Variants in ELK4 observed in about 807,000 individuals in gnomAD.
ELK4 encodes ETS transcription factor ELK4, also known as ETS domain-containing protein Elk-4.
A neutral mutation model predicts 29.6 loss-of-function variants in ELK4; 16 were observed. The ratio of observed to expected loss-of-function variants is 0.54; its 90% CI spans 0.37 to 0.82. ELK4 has a LOEUF of 0.82. Ranked by LOEUF, ELK4 falls within the 40% of genes least tolerant of loss-of-function variation. The probability of loss-of-function intolerance (pLI) is 0.00; values close to 1 mark genes in which losing one functional copy is unlikely to be tolerated. For missense variants in ELK4, 465 were observed against 507.1 expected, an observed-to-expected ratio of 0.92 and a Z score of 0.80; for synonymous variants, 213 against 191.1, an observed-to-expected ratio of 1.11 and a Z score of -0.95.
rs146215001 is a variant in ELK4, at chr1:205,613,800, C to T, written c.*2746G>A. 2.4e-4 allele frequency: 49 copies of T among 205,684 alleles called. No individual in the cohort carries two copies. Among genetic ancestry groups the T allele is most frequent in the Middle Eastern group, 1.6e-3 (1 of 622 alleles). The allele number at this position is 205,684 out of a possible 1,614,324, so 12.7% of individuals were successfully genotyped here. A position where few individuals can be genotyped will look rare whatever the true frequency, so the allele number is the denominator to read the frequency against. ...AACCCCATTCAATCTGCTCCCCTTCCGTAACTTAGGCTACTGCTGCCCAAC... is the reference window on the plus strand; with the variant it reads ...AACCCCATTCAATCTGCTCCCCTTCTGTAACTTAGGCTACTGCTGCCCAAC... On this transcript the variant is annotated 3_prime_UTR_variant, in exon 5 of 5. Coordinates refer to ENST00000357992, the MANE Select transcript of ELK4 (RefSeq NM_001973.4).
In ELK4 at chr1:205,618,937, A is replaced by T; in HGVS notation, c.1197+20T>A. On this transcript the variant is annotated intron_variant, in intron 4 of 4. Transcript: ENST00000357992. ...ATTTAACATGCTCCAACTACAGAAG[A>T]CAGATATTTATAAAATTACCTGGAA... The T allele has an allele frequency of 6.4e-7, 1 of 1,571,868 alleles. No homozygotes were observed. Among genetic ancestry groups the T allele is most frequent in the Non-Finnish European group, 8.7e-7 (1 of 1,146,544 alleles).
intron 1 of ELK4, among the ~76,000 whole-genome samples, chr1:205,630,776 C>T (rs1053152041): frequency 6.6e-6 from 1 of 152,148 alleles, no homozygotes; most frequent in Non-Finnish European, 1.5e-5. Context: ...AATCATACTA[C>T]ATTTTAATGA....
At position 205,616,025 on chromosome 1, in the gene ELK4, G is replaced by A. The variant is rs1330854412; in HGVS notation, c.*521C>T. Reference sequence around the variant, plus strand: ...CTCCAATCTTACTTTGTATGAATAGGAATGATTCTTCTTCTTCCACTGCTT... The same window carrying A: ...CTCCAATCTTACTTTGTATGAATAGAAATGATTCTTCTTCTTCCACTGCTT... On this transcript the variant is annotated 3_prime_UTR_variant, in exon 5 of 5. Coordinates refer to ENST00000357992, the MANE Select transcript of ELK4 (RefSeq NM_001973.4). 1 of 225,260 alleles carries A rather than the reference G, an allele frequency of 4.4e-6. No homozygotes were observed. The highest frequency in any genetic ancestry group is 6.6e-5 in the East Asian group (1 of 15,252). The allele number at this position is 225,260 out of a possible 1,614,324, so 14.0% of individuals were successfully genotyped here.
At chr1:205,620,991 T>C (rs1292224198) in intron 2 of ELK4, among the ~76,000 whole-genome samples, 153 bp from the exon 3 acceptor site, 1 of 151,852 alleles carries the variant, frequency 6.6e-6, no homozygotes, top group Non-Finnish European at 1.5e-5. Flanking sequence ...GGTCAGGAGA[T>C]TGAGACCAGC....
intron 3 of ELK4, chr1:205,619,378 T>C: frequency 9.4e-7 from 1 of 1,064,994 alleles, no homozygotes; most frequent in Non-Finnish European, 1.1e-6. Context: ...CTCAACCTCT[T>C]TTTAAGCCAA....
intron 1 of ELK4, among the ~76,000 whole-genome samples, chr1:205,627,247 C>T (rs1670483743): frequency 6.6e-6 from 1 of 152,100 alleles, no homozygotes; most frequent in African/African-American, 2.4e-5. Context: ...CAGTGGCTCA[C>T]GCCTGTAATC....
intron 1 of ELK4, among the ~76,000 whole-genome samples, chr1:205,629,272 C>T (rs1304705179): frequency 6.6e-6 from 1 of 151,628 alleles, no homozygotes; most frequent in Non-Finnish European, 1.5e-5. Flanking sequence ...GACATTTTCA[C>T]TGGGTACTTT....
In ELK4 at chr1:205,612,248, A is replaced by G. The variant is rs6677586; in HGVS notation, c.*4298T>C. ...CTCCAAATCTCTAGGATTTCTCCAT[A>G]TATCATAAGAGAGCATCATATATGT... On this transcript the variant is annotated 3_prime_UTR_variant, in exon 5 of 5. Coordinates refer to ENST00000357992, the MANE Select transcript of ELK4 (RefSeq NM_001973.4). 0.12 allele frequency: 24,471 copies of G among 204,778 alleles called. 1,969 individuals carry two copies. The highest frequency in any genetic ancestry group is 0.24 in the East Asian group (3,187 of 13,292). The allele number at this position is 204,778 out of a possible 1,614,324, so 12.7% of individuals were successfully genotyped here.
chr1:205,608,117 A>C lies in ELK4; in HGVS notation c.*8429T>G, dbSNP rs1447995943. On this transcript the variant is annotated 3_prime_UTR_variant, in exon 5 of 5. Transcript: ENST00000357992. ...ATTCCTCTGTCAGTTCTTACATAAA[A>C]TAGATTTTTAAAAATGTATATCTTT... is the stretch of plus-strand genomic sequence containing the variant. The C allele has an allele frequency of 2.2e-5, 4 of 184,610 alleles. No individual in the cohort carries two copies. In the East Asian group the frequency reaches 3.5e-4, roughly 16 times the overall value. 11.4% of individuals were successfully genotyped at this position (184,610 alleles called of 1,614,324 possible).
intron 3 of ELK4, chr1:205,619,654 G>T: frequency 7.3e-7 from 1 of 1,363,808 alleles, no homozygotes; most frequent in Non-Finnish European, 9.4e-7. Flanking sequence ...TGTTTTATAA[G>T]ACACCAACGA....
At position 205,627,525 on chromosome 1, in the gene ELK4, AGAAAATATTATAAACTTAGATTGTG is replaced by A. The variant is rs138490456; in HGVS notation, c.-9-3659_-9-3635del. Reference sequence around the variant, plus strand: ...CTCCGCCTCAAAAAAAAAAAAGAAAAGAAAATATTATAAACTTAGATTGTGTTCATGCTTGCACAAAACCCACAGC... The same window carrying A: ...CTCCGCCTCAAAAAAAAAAAAGAAAATTCATGCTTGCACAAAACCCACAGC... On this transcript the variant is annotated intron_variant, in intron 1 of 4. Transcript: ENST00000357992. Among the ~76,000 whole-genome samples, 266 of 152,170 alleles carry A rather than the reference AGAAAATATTATAAACTTAGATTGTG, an allele frequency of 1.7e-3. 2 individuals carry two copies. In the East Asian group the frequency reaches 0.02, roughly 11 times the overall value.
In ELK4 at chr1:205,623,824, T is replaced by C; in HGVS notation, c.59A>G (p.Asn20Ser). 6.2e-7 allele frequency: 1 copy of C among 1,614,180 alleles called. No individual in the cohort carries two copies. Among genetic ancestry groups the C allele is most frequent in the Non-Finnish European group, 8.5e-7 (1 of 1,180,034 alleles). The change falls in exon 2 of 5, where the codon AAC becomes AGC. Residue 20 changes from asparagine to serine, a missense_variant. This residue lies in a region of ELK4 where 385 missense variants were observed against 387.5 expected (regional missense o/e 0.99). Coordinates refer to ENST00000357992, the MANE Select transcript of ELK4 (RefSeq NM_001973.4). Reference sequence around the variant, plus strand: ...AGAGGTCCAACAGATCATGTGCTTGTTCTGAGGCTTCTGCAGGAGCTGAAG... The same window carrying C: ...AGAGGTCCAACAGATCATGTGCTTGCTCTGAGGCTTCTGCAGGAGCTGAAG... Reference protein sequence around the residue: ...FLLQLLQKPQNKHMICWTSND... With the variant: ...FLLQLLQKPQSKHMICWTSND...
Position 205,609,684 on chromosome 1 carries a change from T to C in ELK4, c.*6862A>G, listed in dbSNP as rs148117806. 7.2e-5 allele frequency: 15 copies of C among 206,904 alleles called. No homozygotes were observed. The highest frequency in any genetic ancestry group is 3.2e-4 in the African/African-American group (14 of 44,050). 12.8% of individuals were successfully genotyped at this position (206,904 alleles called of 1,614,324 possible). On this transcript the variant is annotated 3_prime_UTR_variant, in exon 5 of 5. Coordinates refer to ENST00000357992, the MANE Select transcript of ELK4 (RefSeq NM_001973.4). The stretch of plus-strand genomic sequence containing the variant: ...TGTCAGGATTGTGTCCCCTACACAA[T>C]AGACAATAAGCAACAATGACCAAAC...
Position 205,625,720 on chromosome 1 carries a change from C to T in ELK4, c.-9-1829G>A, listed in dbSNP as rs113524028. The T allele has an allele frequency of 7.4e-3, 5,381 of 728,942 alleles. 223 individuals carry two copies. In the African/African-American group the frequency reaches 0.081, roughly 11 times the overall value. 45.2% of individuals were successfully genotyped at this position (728,942 alleles called of 1,614,324 possible). ...GTGAGATGGAGTCCCACTCTGTCAC[C>T]CAGGCTGGAGTGCAGTGGCGCAATC... On this transcript the variant is annotated intron_variant, in intron 1 of 4. Coordinates refer to ENST00000357992, the MANE Select transcript of ELK4 (RefSeq NM_001973.4).
rs1254438280 is a variant in ELK4, at chr1:205,619,812, A to G, written c.1080+154T>C. 2.2e-5 allele frequency: 34 copies of G among 1,549,412 alleles called. No individual in the cohort carries two copies. The Admixed American group carries it at 6.9e-4, about 32-fold the overall frequency. ...TATTTTAGCAATCCTAATTAAGATG[A>G]GAAATGGGGTAACTTTCACATGACA... On this transcript the variant is annotated intron_variant, in intron 3 of 4. Coordinates refer to ENST00000357992, the MANE Select transcript of ELK4 (RefSeq NM_001973.4).
chr1:205,620,174 T>G lies in ELK4; in HGVS notation c.872A>C (p.Glu291Ala). The G allele has an allele frequency of 6.2e-7, 1 of 1,614,230 alleles. No individual in the cohort carries two copies. Among genetic ancestry groups the G allele is most frequent in the Non-Finnish European group, 8.5e-7 (1 of 1,180,042 alleles). The change falls in exon 3 of 5, where the codon GAA becomes GCA. Residue 291 changes from glutamate to alanine, a missense_variant. By Grantham distance (107) the Glu-to-Ala change is moderately radical (BLOSUM62 -1). This residue lies in a region of ELK4 where 385 missense variants were observed against 387.5 expected (regional missense o/e 0.99). Transcript: ENST00000357992. ...DIDSVASQPMELPENLSLEPK... is the reference protein window; with the variant it reads ...DIDSVASQPMALPENLSLEPK... The stretch of plus-strand genomic sequence containing the variant: ...CTCCAGTGACAAATTCTCTGGAAGT[T>G]CCATTGGCTGAGAAGCCACTGAATC...
At chr1:205,626,926 AAAT>A (rs1433785102) in intron 1 of ELK4, among the ~76,000 whole-genome samples, 5 of 152,262 alleles carry the variant, frequency 3.3e-5, no homozygotes, top group Non-Finnish European at 7.3e-5. Flanking sequence ...ATGAATGGAT[AAAT>A]AATATGTGGC....
Position 205,620,010 on chromosome 1 carries a change from G to A in ELK4, c.1036C>T (p.Pro346Ser), listed in dbSNP as rs1466421386. ...GTAAGAGAAGCTGTAGGGAGAGATG[G>A]GCTCAGTATTCCCAGTGGGCTTGGA... Reference protein sequence around the residue: ...SDPSPLGILSPSLPTASLTPA... With the variant: ...SDPSPLGILSSSLPTASLTPA... The change falls in exon 3 of 5, where the codon CCA (proline) becomes TCA (serine). Residue 346 changes from proline (P) to serine (S), a missense_variant. Coordinates refer to ENST00000357992, the MANE Select transcript of ELK4 (RefSeq NM_001973.4). 2 of 1,614,236 alleles carry A rather than the reference G, an allele frequency of 1.2e-6. No individual in the cohort carries two copies. The highest frequency in any genetic ancestry group is 1.7e-6 in the Non-Finnish European group (2 of 1,180,050).
At chr1:205,626,068 C>T in intron 1 of ELK4, 1 of 1,167,494 alleles carries the variant, frequency 8.6e-7, no homozygotes, top group Admixed American at 1.7e-5. Context: ...CCCACCAGTG[C>T]CACAATGGGT....
Sources: allele counts gnomAD v4.1 joint callset (sites outside exome capture counted in the v4.1 genomes callset), GRCh38; gene constraint gnomAD v4.1.1; regional missense constraint gnomAD v4.1.1; transcripts MANE v1.5; gene names NCBI Gene and HGNC (gene_info 2026-07-23, HGNC 2026-07-21).